The following LETM2 variants were observed in gnomAD, a reference collection of about 807,000 sequenced individuals.
LETM2 encodes the protein leucine zipper and EF-hand containing transmembrane protein 2.
A neutral mutation model predicts 59.6 loss-of-function variants in LETM2; 58 were observed. That is an observed-to-expected ratio of 0.97 (90% CI 0.79 to 1.21). LETM2 has a LOEUF of 1.21. Among genes scored for constraint, LETM2 ranks in the 50% most tolerant of loss-of-function variants. The pLI is 0.00. For missense variants in LETM2, 572 were observed against 575.7 expected (o/e 0.99, Z 0.07); for synonymous variants, 199 against 214.1 (o/e 0.93, Z 0.62).
At chr8:38,393,904 C>T in intron 3 of LETM2, 194 bp from the exon 4 acceptor site, 1 of 439,838 alleles carries the variant, frequency 2.3e-6, no homozygotes, top group Non-Finnish European at 3.9e-6. Flanking sequence ...CCTGTAATCC[C>T]AGCTCCTTGG....
At chr8:38,397,973 C>T (rs2978082) in intron 4 of LETM2, among the ~76,000 whole-genome samples, 37 of 152,194 alleles carry the variant, frequency 2.4e-4, no homozygotes, top group African/African-American at 8.9e-4. Context: ...AACCCCATCT[C>T]TACTAAAAAT....
rs375157325 is a variant in LETM2 at position 38,404,354 on chromosome 8, G to A, written c.1105-39G>A. The A allele has an allele frequency of 2.2e-6, 3 of 1,386,194 alleles. No homozygotes were observed. In the African/African-American group the frequency reaches 4.3e-5, roughly 20 times the overall value. 85.9% of individuals were successfully genotyped at this position (1,386,194 alleles called of 1,614,324 possible). On this transcript the variant is annotated intron_variant, in intron 7 of 10. Transcript: ENST00000379957. ...GACCGCGGATCACTCTGGCTCTGGT[G>A]TTCTGATTCTCACGTGTTGTTCCCC...
intron 7 of LETM2, 35 bp from the exon 8 acceptor site, chr8:38,404,358 T>C (rs1813521828): frequency 1.4e-6 from 2 of 1,417,706 alleles, no homozygotes; most frequent in South Asian, 1.2e-5. Context: ...TCTGGTGTTC[T>C]GATTCTCACG....
chr8:38,387,467 T>C (rs1811864509), intron 1 of LETM2, among the ~76,000 whole-genome samples: 1 of 152,208 alleles, frequency 6.6e-6, no homozygotes, highest in Non-Finnish European at 1.5e-5. Flanking sequence ...GTAGGTTGCA[T>C]GTCTACCTTC....
intron 9 of LETM2, 83 bp downstream of exon 9, chr8:38,407,121 T>A: frequency 1.2e-6 from 1 of 855,172 alleles, no homozygotes; most frequent in Non-Finnish European, 1.9e-6. Context: ...TTAATCCCCT[T>A]AATGAAATTG....
chr8:38,397,075 C>T (rs1023289409), intron 4 of LETM2: 1 of 455,392 alleles, frequency 2.2e-6, no homozygotes. Context: ...AAAACAGAGG[C>T]AGCTCCTTCC....
chr8:38,390,623 GAA>G (rs766904780), intron 2 of LETM2, among the ~76,000 whole-genome samples: 4 of 44,860 alleles, frequency 8.9e-5, no homozygotes, highest in Admixed American at 2.3e-4. Context: ...CTCTGTCTCA[GAA>G]AAAAAAAAAA....
At chr8:38,398,493 T>C (rs1252771937) in intron 4 of LETM2, among the ~76,000 whole-genome samples, 1 of 152,186 alleles carries the variant, frequency 6.6e-6, no homozygotes, top group Non-Finnish European at 1.5e-5. Flanking sequence ...TATTTCTCTT[T>C]CATAGCACTT....
At chr8:38,400,119 G>C (rs1813062091) in intron 4 of LETM2, among the ~76,000 whole-genome samples, 153 bp from the exon 5 acceptor site, 1 of 152,146 alleles carries the variant, frequency 6.6e-6, no homozygotes. Context: ...TACTTGCTCT[G>C]GTCTCACAAA....
chr8:38,394,604 G>A (rs1812543320), intron 4 of LETM2, among the ~76,000 whole-genome samples: 1 of 152,110 alleles, frequency 6.6e-6, no homozygotes, highest in Admixed American at 6.6e-5. Flanking sequence ...CACTTTGGGA[G>A]GTTGAGGCAG....
chr8:38,404,047 G>A (rs904956383), intron 7 of LETM2, among the ~76,000 whole-genome samples: 1 of 152,176 alleles, frequency 6.6e-6, no homozygotes, highest in Non-Finnish European at 1.5e-5. Flanking sequence ...TGTAGAGACA[G>A]AGTCACCCTG....
chr8:38,402,473 T>C, intron 6 of LETM2, 52 bp from the exon 7 acceptor site: 2 of 1,599,118 alleles, frequency 1.3e-6, no homozygotes, highest in Non-Finnish European at 1.7e-6. Context: ...ATTTAGGGTT[T>C]ACGTAAAATT....
chr8:38,392,728 C>CTAAT lies in LETM2; in HGVS notation c.234_235insTAAT (p.Thr79Ter). The stretch of plus-strand genomic sequence containing the variant: ...GAACTAGACTAATACAAAAGCTACA[C>CTAAT]ACATCCACTTGCTGGCTGCAAGAAG... On this transcript the variant is annotated stop_gained and frameshift_variant, in exon 3 of 11. Transcript: ENST00000379957. LOFTEE classifies it high-confidence loss of function. The CTAAT allele has an allele frequency of 6.2e-7, 1 of 1,614,186 alleles. No individual in the cohort carries two copies. The highest frequency in any genetic ancestry group is 8.5e-7 in the Non-Finnish European group (1 of 1,180,040).
Position 38,400,621 on chromosome 8 carries a change from T to A in LETM2, c.783+212T>A, listed in dbSNP as rs112414682. ...AAAGTAATCAACGTTTTGAAGACAT[T>A]GATAACTTCTTGGAGAGAACAGTAG... is the stretch of plus-strand genomic sequence containing the variant. On this transcript the variant is annotated intron_variant, in intron 5 of 10. Transcript: ENST00000379957. 1,189 of 650,780 alleles carry A rather than the reference T, an allele frequency of 1.8e-3. 6 individuals are homozygous for A. In the African/African-American group the frequency reaches 0.019, roughly 11 times the overall value. The allele number at this position is 650,780 out of a possible 1,614,324, so 40.3% of individuals were successfully genotyped here.
intron 7 of LETM2, among the ~76,000 whole-genome samples, chr8:38,403,752 A>C (rs1220974594): frequency 6.6e-6 from 1 of 152,230 alleles, no homozygotes; most frequent in Admixed American, 6.5e-5. Flanking sequence ...CATTGTAGAG[A>C]AAGATCCTTA....
At chr8:38,395,045 T>C (rs1812578853) in intron 4 of LETM2, among the ~76,000 whole-genome samples, 1 of 152,180 alleles carries the variant, frequency 6.6e-6, no homozygotes, top group South Asian at 2.1e-4. Context: ...TTCAAGTTCT[T>C]TTCATTGCTC....
chr8:38,404,737 T>A (rs535053723), intron 8 of LETM2: 19 of 443,164 alleles, frequency 4.3e-5, no homozygotes, highest in African/African-American at 3.6e-4. Context: ...CCCAGCACTT[T>A]GGGAGGCCGA....
At chr8:38,383,085 AC>A (rs1811645141), upstream of LETM2, 1 of 152,172 alleles carries the variant, frequency 6.6e-6, no homozygotes, top group South Asian at 2.1e-4. Context: ...GGGGACCGCG[AC>A]GGCTCCGTGA....
intron 1 of LETM2, 136 bp from the exon 2 acceptor site, chr8:38,387,814 T>A: frequency 1.8e-6 from 1 of 551,014 alleles, no homozygotes; most frequent in Non-Finnish European, 3.2e-6. Flanking sequence ...TTGTTGGAAA[T>A]GAGCTTGAAG....
Sources: allele counts gnomAD v4.1 joint callset (sites outside exome capture counted in the v4.1 genomes callset), GRCh38; gene constraint gnomAD v4.1.1; transcripts MANE v1.5; gene names NCBI Gene and HGNC (gene_info 2026-07-23, HGNC 2026-07-21).